TCERG1L: variants seen among roughly 807,000 people sequenced by gnomAD.
TCERG1L encodes the protein transcription elongation regulator 1-like protein.
In TCERG1L, 37 loss-of-function variants were observed where a neutral mutation model predicts 56.3. The observed-to-expected ratio is 0.66, with a 90% CI of 0.51 to 0.87. The LOEUF is 0.87. TCERG1L is among the 40% of genes least tolerant of loss of function. TCERG1L has a pLI of 0.00. For missense variants in TCERG1L, 799 were observed against 774.2 expected, an observed-to-expected ratio of 1.03 and a Z score of -0.38; for synonymous variants, 324 against 326.3, an observed-to-expected ratio of 0.99 and a Z score of 0.08.
At chr10:131,210,401 T>C (rs1845604012) in intron 4 of TCERG1L, among the ~76,000 whole-genome samples, 1 of 152,126 alleles carries the variant, frequency 6.6e-6, no homozygotes, top group South Asian at 2.1e-4. Context: ...CTCACTTTTG[T>C]CCCTGCTGGA....
chr10:131,124,019 C>T (rs1217071661), intron 8 of TCERG1L, among the ~76,000 whole-genome samples: 1 of 152,158 alleles, frequency 6.6e-6, no homozygotes. Flanking sequence ...ATCAGGCTGT[C>T]CCCGCAGCAG....
intron 4 of TCERG1L, among the ~76,000 whole-genome samples, chr10:131,240,613 G>A (rs1403433473): frequency 2.0e-5 from 3 of 152,294 alleles, no homozygotes; most frequent in South Asian, 4.1e-4. Flanking sequence ...GACAGCACCC[G>A]CACAGGGTTT....
At chr10:131,304,214 T>G (rs1477140065) in intron 3 of TCERG1L, among the ~76,000 whole-genome samples, 1 of 152,078 alleles carries the variant, frequency 6.6e-6, no homozygotes, top group Non-Finnish European at 1.5e-5. Flanking sequence ...ATCCTTCTAT[T>G]TCATTTGCCT....
intron 4 of TCERG1L, among the ~76,000 whole-genome samples, chr10:131,169,357 G>A (rs1846065016): frequency 1.3e-5 from 2 of 152,114 alleles, no homozygotes; most frequent in Non-Finnish European, 2.9e-5. Context: ...ACCAGAAGCA[G>A]CCCCCTGACT....
intron 3 of TCERG1L, among the ~76,000 whole-genome samples, chr10:131,275,888 C>A (rs1335307761): frequency 2.0e-5 from 3 of 152,270 alleles, no homozygotes; most frequent in East Asian, 3.9e-4. Flanking sequence ...TGGACGTGGA[C>A]GCCTGGGCAT....
intron 4 of TCERG1L, among the ~76,000 whole-genome samples, chr10:131,199,551 A>G (rs953411883): frequency 1.4e-5 from 2 of 147,702 alleles, no homozygotes; most frequent in Non-Finnish European, 3.0e-5. Context: ...TTGCTGAGAA[A>G]GAAAATAAAC....
intron 4 of TCERG1L, among the ~76,000 whole-genome samples, chr10:131,233,469 C>A (rs1252408639): frequency 2.6e-5 from 4 of 151,778 alleles, no homozygotes; most frequent in Non-Finnish European, 5.9e-5. Flanking sequence ...CACACACACA[C>A]ACACAGACAC....
At chr10:131,295,152 A>G (rs537229705) in intron 3 of TCERG1L, among the ~76,000 whole-genome samples, 2 of 152,360 alleles carry the variant, frequency 1.3e-5, no homozygotes, top group African/African-American at 4.8e-5. Flanking sequence ...TGCACATGTA[A>G]GAAGTGTGTT....
intron 9 of TCERG1L, among the ~76,000 whole-genome samples, chr10:131,107,725 ATG>A (rs1589776153): frequency 3.1e-5 from 4 of 127,206 alleles, no homozygotes; most frequent in Admixed American, 3.0e-4. Flanking sequence ...GATTGCACAC[ATG>A]TGTGTGACTA....
At chr10:131,303,089 C>T (rs1217988473) in intron 3 of TCERG1L, among the ~76,000 whole-genome samples, 8 of 151,948 alleles carry the variant, frequency 5.3e-5, no homozygotes, top group Admixed American at 1.3e-4. Flanking sequence ...AGTAAACATA[C>T]GTGTGCATGT....
intron 3 of TCERG1L, among the ~76,000 whole-genome samples, chr10:131,287,779 A>G (rs1443617102): frequency 6.6e-6 from 1 of 152,168 alleles, no homozygotes; most frequent in Non-Finnish European, 1.5e-5. Context: ...TCATAATGCA[A>G]TTAACTCTTG....
At chr10:131,274,752 G>C (rs988559244) in intron 3 of TCERG1L, among the ~76,000 whole-genome samples, 2 of 152,146 alleles carry the variant, frequency 1.3e-5, no homozygotes, top group Non-Finnish European at 2.9e-5. Flanking sequence ...CATTGCCCTT[G>C]TGCTTTTCCA....
intron 7 of TCERG1L, among the ~76,000 whole-genome samples, chr10:131,140,814 A>C (rs1478368571): frequency 1.3e-5 from 2 of 152,170 alleles, no homozygotes; most frequent in Non-Finnish European, 2.9e-5. Context: ...GACTCAGGGC[A>C]GCAGGGTCCT....
intron 4 of TCERG1L, among the ~76,000 whole-genome samples, chr10:131,177,256 G>T (rs1322899740): frequency 6.6e-6 from 1 of 151,928 alleles, no homozygotes; most frequent in Non-Finnish European, 1.5e-5. Context: ...CACACACACA[G>T]GCACACACAT....
intron 3 of TCERG1L, among the ~76,000 whole-genome samples, chr10:131,275,639 C>A (rs11017857): frequency 6.6e-6 from 1 of 152,144 alleles, no homozygotes; most frequent in South Asian, 2.1e-4. Context: ...AAACAATGGA[C>A]GGGTTCCCTC....
chr10:131,249,004 A>G (rs1047204508), intron 4 of TCERG1L, among the ~76,000 whole-genome samples: 1 of 152,220 alleles, frequency 6.6e-6, no homozygotes, highest in Non-Finnish European at 1.5e-5. Context: ...CCTGGTGCAC[A>G]GAGGCGATGC....
intron 4 of TCERG1L, among the ~76,000 whole-genome samples, chr10:131,244,130 G>T (rs1414291567): frequency 2.6e-5 from 4 of 152,194 alleles, no homozygotes; most frequent in Admixed American, 6.5e-5. Flanking sequence ...TCGCAAAAAC[G>T]CAAGACATAA....
At chr10:131,285,436 A>G (rs1216018468) in intron 3 of TCERG1L, among the ~76,000 whole-genome samples, 1 of 149,814 alleles carries the variant, frequency 6.7e-6, no homozygotes, top group Admixed American at 6.7e-5. Flanking sequence ...AGAAAGAGAG[A>G]AAGAGAAACA....
chr10:131,202,273 C>G (rs1025971667), intron 4 of TCERG1L, among the ~76,000 whole-genome samples: 1 of 152,178 alleles, frequency 6.6e-6, no homozygotes, highest in Non-Finnish European at 1.5e-5. Context: ...TGGGGTACCA[C>G]AAAAGCTGGT....
Sources: allele counts gnomAD v4.1 joint callset (sites outside exome capture counted in the v4.1 genomes callset), GRCh38; gene constraint gnomAD v4.1.1; transcripts MANE v1.5; gene names NCBI Gene and HGNC (gene_info 2026-07-23, HGNC 2026-07-21).